KATNIP: variants seen among roughly 807,000 people sequenced by gnomAD.
KATNIP encodes katanin interacting protein, also known as katanin-interacting protein.
KATNIP carries 126 observed loss-of-function variants against 174.0 expected under a neutral mutation model. The observed-to-expected ratio is 0.72, with a 90% CI of 0.63 to 0.84. The LOEUF (loss-of-function observed/expected upper bound fraction) is 0.84, where lower values mean the gene tolerates loss of function less well. Ranked by LOEUF, KATNIP falls within the 40% of genes least tolerant of loss-of-function variation. The pLI is 0.00. For missense variants in KATNIP, 1,958 were observed against 2,109.7 expected, an observed-to-expected ratio of 0.93 and a Z score of 1.41; for synonymous variants, 810 against 835.7, an observed-to-expected ratio of 0.97 and a Z score of 0.53.
chr16:27,623,007 A>C (rs551917639), intron 3 of KATNIP, among the ~76,000 whole-genome samples: 11 of 152,212 alleles, frequency 7.2e-5, no homozygotes, highest in African/African-American at 2.6e-4. Context: ...AGCTCTGTGG[A>C]GCATCCTAGG....
At chr16:27,585,731 A>G (rs2090870876) in intron 2 of KATNIP, among the ~76,000 whole-genome samples, 3 of 152,220 alleles carry the variant, frequency 2.0e-5, no homozygotes, top group African/African-American at 7.2e-5. Flanking sequence ...ACTCATGGAC[A>G]TAGAGAATAG....
intron 1 of KATNIP, among the ~76,000 whole-genome samples, chr16:27,557,298 C>T (rs1294264395): frequency 3.3e-5 from 5 of 152,138 alleles, no homozygotes; most frequent in Admixed American, 1.3e-4. Flanking sequence ...CATGCCACCA[C>T]GCCCAACTAA....
intron 2 of KATNIP, among the ~76,000 whole-genome samples, chr16:27,576,624 T>A (rs2090506561): frequency 6.6e-6 from 1 of 150,670 alleles, no homozygotes; most frequent in Non-Finnish European, 1.5e-5. Context: ...AAAAAACAAT[T>A]ATTAAAAACA....
intron 1 of KATNIP, among the ~76,000 whole-genome samples, chr16:27,563,451 G>A (rs1428393692): frequency 6.6e-6 from 1 of 152,140 alleles, no homozygotes; most frequent in Non-Finnish European, 1.5e-5. Context: ...CTGGGAGGTC[G>A]AGGCTGCAGT....
chr16:27,553,188 CGTT>C (rs1298150290), intron 1 of KATNIP, among the ~76,000 whole-genome samples: 2 of 152,180 alleles, frequency 1.3e-5, no homozygotes, highest in African/African-American at 4.8e-5. Context: ...CAAATCTAAA[CGTT>C]GACCTTTCAG....
At position 27,749,878 on chromosome 16, in the gene KATNIP, A is replaced by T. The variant is rs757129359; in HGVS notation, c.2918A>T (p.Tyr973Phe). The T allele has an allele frequency of 6.2e-7, 1 of 1,614,202 alleles. No homozygotes were observed. Among genetic ancestry groups the T allele is most frequent in the East Asian group, 2.2e-5 (1 of 44,880 alleles). Residue 973 changes from tyrosine (Y) to phenylalanine (F), a missense_variant, in exon 16 of 28, where the codon TAT (tyrosine) becomes TTT (phenylalanine). Tyr to Phe is a conservative substitution (Grantham distance 22, BLOSUM62 3). Coordinates refer to ENST00000261588, the MANE Select transcript of KATNIP (RefSeq NM_015202.5). Reference sequence around the variant, plus strand: ...GACTTTAAAATCCCCGTCTTGCCTTATGGACAGCGCTTGGTCATTGACATC... The same window carrying T: ...GACTTTAAAATCCCCGTCTTGCCTTTTGGACAGCGCTTGGTCATTGACATC... The part of the protein sequence containing the change: ...GGDFKIPVLP[Y>F]GQRLVIDIKS...
chr16:27,639,243 C>G (rs998118191), intron 5 of KATNIP, among the ~76,000 whole-genome samples: 36 of 152,180 alleles, frequency 2.4e-4, no homozygotes, highest in African/African-American at 8.0e-4. Flanking sequence ...CCTCAGATTC[C>G]TGGGGGTTTG....
In KATNIP at chr16:27,713,782, TTA is replaced by T. The variant is rs1555482105; in HGVS notation, c.1605+4868_1605+4869del. Among the ~76,000 whole-genome samples the T allele has an allele frequency of 1.7e-3, 77 of 46,276 alleles. 3 individuals are homozygous for T. The highest frequency in any genetic ancestry group is 4.9e-3 in the African/African-American group (65 of 13,212). The allele number at this position is 46,276 out of a possible 152,430, so 30.4% of individuals were successfully genotyped here. On this transcript the variant is annotated intron_variant, in intron 13 of 27. Coordinates refer to ENST00000261588, the MANE Select transcript of KATNIP (RefSeq NM_015202.5). ...GTGTGTATATGTATATATACACATA[TTA>T]TATATGTGTGTGTGTGTGTATATAC... is the stretch of plus-strand genomic sequence containing the variant.
intron 14 of KATNIP, among the ~76,000 whole-genome samples, chr16:27,738,899 C>CA (rs1294005094): frequency 3.3e-5 from 5 of 152,144 alleles, no homozygotes; most frequent in African/African-American, 1.2e-4. Context: ...GTTGGGGCAT[C>CA]AGTGCCCTGA....
At chr16:27,560,809 A>G (rs550623899) in intron 1 of KATNIP, among the ~76,000 whole-genome samples, 2 of 152,218 alleles carry the variant, frequency 1.3e-5, no homozygotes, top group South Asian at 2.1e-4. Context: ...TTTCCTTTGT[A>G]TGCCCAGCAC....
chr16:27,777,041 T>G lies in KATNIP; in HGVS notation c.4551+12T>G, dbSNP rs752042136. 5.2e-6 allele frequency: 8 copies of G among 1,538,320 alleles called. No homozygotes were observed. The highest frequency in any genetic ancestry group is 7.2e-6 in the Non-Finnish European group (8 of 1,115,226). On this transcript the variant is annotated intron_variant, in intron 25 of 27. Coordinates refer to ENST00000261588, the MANE Select transcript of KATNIP (RefSeq NM_015202.5). The surrounding 1 kb of genome is among the most constrained non-coding windows in gnomAD (Gnocchi z 4.4). ...TGAAGGAGTTTGGCGTAAGTACTTA[T>G]TAGCTGAGTTTTTTGAGATAATTAT...
rs189519737 is a variant in KATNIP, at chr16:27,677,853, T to C, written c.665T>C (p.Leu222Pro). The C allele has an allele frequency of 2.7e-5, 44 of 1,614,216 alleles. No homozygotes were observed. The East Asian group carries it at 8.9e-4, about 33-fold the overall frequency. ...GAGCCTGAGCCAGAGGACCCGGCAC[T>C]GGTGGGCCATCCCAGACATGACCGC... ...LSEPEPEDPA[L>P]VGHPRHDRPP... is the part of the protein sequence containing the mutation. Residue 222 changes from leucine to proline, a missense_variant, in exon 7 of 28, where the codon CTG becomes CCG. Leu to Pro is a moderately conservative substitution (Grantham distance 98, BLOSUM62 -3). Around this residue, in one of 3 missense-constraint regions of KATNIP, gnomAD observed 1,557 missense variants for 1,617.8 expected, o/e 0.96. Transcript: ENST00000261588.
At chr16:27,742,552 G>C (rs1351014918) in intron 15 of KATNIP, among the ~76,000 whole-genome samples, 11 of 152,170 alleles carry the variant, frequency 7.2e-5, no homozygotes, top group Admixed American at 6.5e-4. Context: ...CTGGAGCCAG[G>C]CTGCCTGGGC....
chr16:27,717,886 C>T (rs1045110140), intron 13 of KATNIP, among the ~76,000 whole-genome samples: 3 of 152,190 alleles, frequency 2.0e-5, no homozygotes, highest in African/African-American at 7.2e-5. Context: ...GGTGCAGTCA[C>T]TCTGAGGCCT....
At chr16:27,769,597 G>A (rs2082229543) in intron 20 of KATNIP, among the ~76,000 whole-genome samples, 1 of 152,218 alleles carries the variant, frequency 6.6e-6, no homozygotes, top group African/African-American at 2.4e-5. Flanking sequence ...CTGTTGAGGT[G>A]GGCGAGGCCT....
chr16:27,663,615 ATT>A (rs1184734283), intron 6 of KATNIP, among the ~76,000 whole-genome samples: 8 of 138,078 alleles, frequency 5.8e-5, no homozygotes, highest in South Asian at 2.3e-4. Flanking sequence ...CACCCGGCTA[ATT>A]TTTTTTTTTT....
At chr16:27,695,688 A>G (rs903790666) in intron 8 of KATNIP, among the ~76,000 whole-genome samples, 2 of 152,226 alleles carry the variant, frequency 1.3e-5, no homozygotes, top group Non-Finnish European at 2.9e-5. Context: ...CCTGGCACAG[A>G]TAAATATTTC....
intron 14 of KATNIP, among the ~76,000 whole-genome samples, chr16:27,726,229 C>A (rs1044442039): frequency 3.9e-5 from 6 of 152,158 alleles, no homozygotes; most frequent in Non-Finnish European, 8.8e-5. Context: ...ACAGTTTCAT[C>A]CCAAAACCAT....
intron 8 of KATNIP, among the ~76,000 whole-genome samples, chr16:27,682,487 G>A (rs909102319): frequency 2.6e-5 from 4 of 152,178 alleles, no homozygotes; most frequent in Admixed American, 6.5e-5. Context: ...GGGAGGATGC[G>A]AGGTGACCAA....
Sources: gnomAD v4.1 joint callset for allele counts (sites outside exome capture counted in the v4.1 genomes callset) on GRCh38, gnomAD v4.1.1 for gene constraint, gnomAD v4.1.1 regional missense constraint, Gnocchi (gnomAD v3.1) non-coding constraint, MANE v1.5 for transcripts, NCBI Gene and HGNC (gene_info 2026-07-23, HGNC 2026-07-21) for gene names.